Variants in SYCP1 observed in about 807,000 individuals in gnomAD.
The protein encoded by SYCP1 is synaptonemal complex protein 1.
SYCP1 carries 64 observed loss-of-function variants against 153.1 expected under a neutral mutation model. The observed-to-expected ratio is 0.42, with a 90% CI of 0.34 to 0.51. The LOEUF is 0.51. SYCP1 is among the 20% of genes least tolerant of loss of function. The probability of loss-of-function intolerance (pLI) is 0.06; values close to 1 mark genes in which losing one functional copy is unlikely to be tolerated. For synonymous variants in SYCP1, 384 were observed against 341.8 expected, an observed-to-expected ratio of 1.12 and a Z score of -1.36; for missense variants, 997 against 1,049.0, an observed-to-expected ratio of 0.95 and a Z score of 0.68.
At chr1:114,965,928 C>G (rs1672099175) in intron 27 of SYCP1, among the ~76,000 whole-genome samples, 1 of 152,092 alleles carries the variant, frequency 6.6e-6, no homozygotes, top group Non-Finnish European at 1.5e-5. Flanking sequence ...GTACCGGCTC[C>G]TCTTTGTACC....
chr1:114,864,432 A>AT (rs1229871360), intron 8 of SYCP1, among the ~76,000 whole-genome samples: 1 of 151,270 alleles, frequency 6.6e-6, no homozygotes, highest in Non-Finnish European at 1.5e-5. Flanking sequence ...CTGACTCTGT[A>AT]TTTTTCATCT....
intron 27 of SYCP1, among the ~76,000 whole-genome samples, chr1:114,975,378 G>A (rs1672743729): frequency 6.7e-6 from 1 of 150,264 alleles, no homozygotes; most frequent in Admixed American, 6.7e-5. Context: ...GGTTGATTTG[G>A]AAGGTATATG....
At position 114,858,730 on chromosome 1, in the gene SYCP1, T is replaced by C. The variant is rs1392546036; in HGVS notation, c.456+19T>C. ...ACTGCAAGTATGACACAATTTTGCA[T>C]TGTAAACATAGTATAGTAAATCTAA... On this transcript the variant is annotated intron_variant, in intron 6 of 31. Transcript: ENST00000369522. 2.5e-6 allele frequency: 4 copies of C among 1,592,358 alleles called. No individual in the cohort carries two copies. Among genetic ancestry groups the C allele is most frequent in the African/African-American group, 2.7e-5 (2 of 73,810 alleles).
In SYCP1 at chr1:114,955,048, A is replaced by T. The variant is rs186734845; in HGVS notation, c.2322+7728A>T. On this transcript the variant is annotated intron_variant, in intron 27 of 31. Coordinates refer to ENST00000369522, the MANE Select transcript of SYCP1 (RefSeq NM_003176.4). Reference sequence around the variant, plus strand: ...GATGTTAGCTATAGATTTTTTCTAGATTTAAAAAATCAAGTTGATGTAATC... The same window carrying T: ...GATGTTAGCTATAGATTTTTTCTAGTTTTAAAAAATCAAGTTGATGTAATC... Among the ~76,000 whole-genome samples the T allele has an allele frequency of 3.1e-4, 47 of 152,366 alleles. No individual in the cohort carries two copies. The East Asian group carries it at 5.6e-3, about 18-fold the overall frequency.
chr1:114,954,103 C>T (rs1423482257), intron 27 of SYCP1, among the ~76,000 whole-genome samples: 1 of 151,882 alleles, frequency 6.6e-6, no homozygotes, highest in Non-Finnish European at 1.5e-5. Flanking sequence ...TAATTGTGTA[C>T]ATTTATGAGG....
At chr1:114,914,978 G>T (rs550225285) in intron 20 of SYCP1, among the ~76,000 whole-genome samples, 1 of 151,602 alleles carries the variant, frequency 6.6e-6, no homozygotes, top group Non-Finnish European at 1.5e-5. Flanking sequence ...ATTTTTTCAC[G>T]AGAGGCAACC....
chr1:114,969,349 A>T (rs1672333297), intron 27 of SYCP1, among the ~76,000 whole-genome samples: 1 of 152,096 alleles, frequency 6.6e-6, no homozygotes. Flanking sequence ...AGAGAGGAGG[A>T]AACTAGAGAG....
intron 27 of SYCP1, among the ~76,000 whole-genome samples, chr1:114,953,037 G>A (rs1351060147): frequency 6.6e-6 from 1 of 152,152 alleles, no homozygotes; most frequent in East Asian, 1.9e-4. Context: ...GTCTTCATAT[G>A]GTGGAAGATA....
chr1:114,925,406 A>G (rs1385361640), intron 21 of SYCP1, among the ~76,000 whole-genome samples: 2 of 152,196 alleles, frequency 1.3e-5, no homozygotes, highest in Non-Finnish European at 1.5e-5. Flanking sequence ...TTAAGGAAAA[A>G]AATTAAATGC....
intron 29 of SYCP1, among the ~76,000 whole-genome samples, chr1:114,983,748 C>G (rs1673319330): frequency 6.6e-6 from 1 of 151,894 alleles, no homozygotes. Flanking sequence ...TAAGCACTCT[C>G]CAGGTGGCTG....
chr1:114,887,861 A>G (rs1431277313), intron 15 of SYCP1, among the ~76,000 whole-genome samples, 168 bp downstream of exon 15: 1 of 152,050 alleles, frequency 6.6e-6, no homozygotes, highest in East Asian at 1.9e-4. Context: ...AACCTTAAGA[A>G]AGAGTGTTTT....
intron 30 of SYCP1, among the ~76,000 whole-genome samples, chr1:114,993,321 C>A (rs1674052116): frequency 6.6e-6 from 1 of 151,472 alleles, no homozygotes; most frequent in Non-Finnish European, 1.5e-5. Context: ...AATTTCTCAT[C>A]CACAAAGCTT....
chr1:114,916,113 A>G (rs781738001), intron 20 of SYCP1, among the ~76,000 whole-genome samples: 5 of 152,186 alleles, frequency 3.3e-5, no homozygotes, highest in Non-Finnish European at 5.9e-5. Flanking sequence ...GTCATTGCTT[A>G]TAATCATACA....
intron 23 of SYCP1, among the ~76,000 whole-genome samples, chr1:114,936,862 A>T (rs1337737215): frequency 6.6e-6 from 1 of 152,232 alleles, no homozygotes; most frequent in East Asian, 1.9e-4. Flanking sequence ...CTCTTCAAGG[A>T]GAACTACAAA....
chr1:114,918,532 C>A (rs1216324704), intron 20 of SYCP1, among the ~76,000 whole-genome samples: 1 of 151,830 alleles, frequency 6.6e-6, no homozygotes, highest in East Asian at 1.9e-4. Context: ...TGAATAATGT[C>A]ATTGGTATTT....
chr1:114,955,690 A>G (rs1671390504), intron 27 of SYCP1, among the ~76,000 whole-genome samples: 1 of 152,172 alleles, frequency 6.6e-6, no homozygotes, highest in Non-Finnish European at 1.5e-5. Context: ...CTCAGGACTC[A>G]AGAGGGAGTC....
At chr1:114,926,624 T>A in intron 23 of SYCP1, 61 bp downstream of exon 23, 3 of 1,353,758 alleles carry the variant, frequency 2.2e-6, no homozygotes, top group Non-Finnish European at 2.0e-6. Context: ...ATTTAGACAT[T>A]TTATTCCACT....
chr1:114,855,646 G>A, intron 2 of SYCP1, 74 bp downstream of exon 2: 1 of 1,199,866 alleles, frequency 8.3e-7, no homozygotes, highest in Non-Finnish European at 1.2e-6. Flanking sequence ...CTTTCTTCCT[G>A]GTGGTGTTTT....
At chr1:114,892,408 AGT>A (rs915619656) in intron 15 of SYCP1, among the ~76,000 whole-genome samples, 4 of 151,956 alleles carry the variant, frequency 2.6e-5, no homozygotes, top group African/African-American at 9.7e-5. Flanking sequence ...GCCTCTGAGG[AGT>A]GTGCGCTTCA....
Sources: allele counts gnomAD v4.1 joint callset (sites outside exome capture counted in the v4.1 genomes callset), GRCh38; gene constraint gnomAD v4.1.1; transcripts MANE v1.5; gene names NCBI Gene and HGNC (gene_info 2026-07-23, HGNC 2026-07-21).